Variants in ZNF320 observed in about 807,000 individuals in gnomAD.
ZNF320 encodes the protein zinc finger gene 320.
A neutral mutation model predicts 6.8 loss-of-function variants in ZNF320; 2 were observed. The ratio of observed to expected loss-of-function variants is 0.29; its 90% confidence interval spans 0.12 to 0.93. ZNF320 has a LOEUF of 0.93. Among genes scored for constraint, ZNF320 ranks in the 40% least tolerant of loss-of-function variants. The pLI is 0.55. For synonymous variants in ZNF320, 208 were observed against 203.2 expected (o/e 1.02, Z -0.20); for missense variants, 472 against 611.0 (o/e 0.77, Z 2.40).
At chr19:52,884,058 G>A (rs960642711) in intron 5 of ZNF320, among the ~76,000 whole-genome samples, 1 of 152,140 alleles carries the variant, frequency 6.6e-6, no homozygotes, top group Non-Finnish European at 1.5e-5. Flanking sequence ...AGACATTAAA[G>A]AGCTCATTGC....
rs57616055 is a variant in ZNF320, at chr19:52,890,104, G to T, written c.15+137C>A. On this transcript the variant is annotated intron_variant, in intron 4 of 5. Coordinates refer to ENST00000682928, the MANE Select transcript of ZNF320 (RefSeq NM_001351774.2). ...GATAAAATCTAAGTGAGATAAGAGG[G>T]ACTGAGGGAAGGCATGGGTGATTGT... 2,178 of 1,372,938 alleles carry T rather than the reference G, an allele frequency of 1.6e-3. 34 individuals carry two copies. The African/African-American group carries it at 0.028, about 17-fold the overall frequency. The allele number at this position is 1,372,938 out of a possible 1,614,324, so 85.0% of individuals were successfully genotyped here.
chr19:52,865,808 TATATGATTATACACATATATTTATATATG>T (rs1211891149), intron 5 of ZNF320, among the ~76,000 whole-genome samples: 70 of 124,352 alleles, frequency 5.6e-4, no homozygotes, highest in Non-Finnish European at 9.7e-4. Context: ...TATATTTATA[TATATGATTATACACATATATTTATATATG>T]ATTATACACA....
chr19:52,885,542 C>T (rs965316215), intron 5 of ZNF320, among the ~76,000 whole-genome samples: 1 of 151,888 alleles, frequency 6.6e-6, no homozygotes, highest in African/African-American at 2.4e-5. Context: ...CAGTGAAACC[C>T]CGTCTGAACT....
exon 6 of ZNF320, among the ~76,000 whole-genome samples, chr19:52,861,163 T>A (rs1021502608): frequency 6.6e-6 from 1 of 152,266 alleles, no homozygotes; most frequent in East Asian, 1.9e-4. Flanking sequence ...ACACATTCAG[T>A]GGATTTGCAG....
At position 52,879,882 on chromosome 19, in the gene ZNF320, A is replaced by G. The variant is rs1215118156; in HGVS notation, c.*714T>C. 6.6e-6 allele frequency: 1 copy of G among 152,242 alleles called. No individual in the cohort carries two copies. Among genetic ancestry groups the G allele is most frequent in the Admixed American group, 6.5e-5 (1 of 15,284 alleles). 9.4% of individuals were successfully genotyped at this position (152,242 alleles called of 1,614,324 possible). The stretch of plus-strand genomic sequence containing the variant: ...GAAATACTTAGGAATAAATGAAAAA[A>G]GTTGAGAAGTTTCTACCTTCAAATC... On this transcript the variant is annotated 3_prime_UTR_variant, in exon 6 of 6. Coordinates refer to ENST00000682928, the MANE Select transcript of ZNF320 (RefSeq NM_001351774.2).
At chr19:52,865,510 T>TACA (rs1568692875) in intron 5 of ZNF320, 1 of 135,604 alleles carries the variant, frequency 7.4e-6, no homozygotes, top group African/African-American at 3.0e-5. Context: ...ACATATATAT[T>TACA]TATATATTAT....
Position 52,878,626 on chromosome 19 carries a change from A to C in ZNF320, c.*1970T>G, listed in dbSNP as rs2063828163. Reference sequence around the variant, plus strand: ...TACAAACTGGTGATTTATTTTGGGAATCGTCCCCATAACCTTTTCATAAAG... The same window carrying C: ...TACAAACTGGTGATTTATTTTGGGACTCGTCCCCATAACCTTTTCATAAAG... On this transcript the variant is annotated 3_prime_UTR_variant, in exon 6 of 6. Transcript: ENST00000682928. 1 of 152,156 alleles carries C rather than the reference A, an allele frequency of 6.6e-6. No individual in the cohort carries two copies. Among genetic ancestry groups the C allele is most frequent in the Admixed American group, 6.5e-5 (1 of 15,274 alleles). 9.4% of individuals were successfully genotyped at this position (152,156 alleles called of 1,614,324 possible).
exon 6 of ZNF320, among the ~76,000 whole-genome samples, chr19:52,861,101 C>T (rs769999509): frequency 7.2e-5 from 11 of 152,166 alleles, no homozygotes; most frequent in Non-Finnish European, 8.8e-5. Context: ...ATGACATGAT[C>T]TTCTGTGGAA....
chr19:52,873,308 A>C (rs1470108693), downstream of ZNF320, among the ~76,000 whole-genome samples: 3 of 152,226 alleles, frequency 2.0e-5, no homozygotes, highest in African/African-American at 7.2e-5. Flanking sequence ...TCTTGGGCAG[A>C]GGTCCCTGCA....
chr19:52,882,065 C>A, intron 5 of ZNF320, 82 bp from the exon 6 acceptor site: 3 of 1,313,156 alleles, frequency 2.3e-6, no homozygotes, highest in South Asian at 1.6e-5. Flanking sequence ...CACACACACA[C>A]AAAAATACTT....
At chr19:52,874,031 T>C (rs1429753576), downstream of ZNF320, 1 of 461,128 alleles carries the variant, frequency 2.2e-6, no homozygotes, top group East Asian at 6.5e-5. Flanking sequence ...CTTTGCCTTC[T>C]TGGTGTCTTC....
intron 5 of ZNF320, chr19:52,865,333 A>ATC: frequency 3.3e-6 from 1 of 305,350 alleles, no homozygotes; most frequent in East Asian, 9.7e-5. Context: ...AAATATATAT[A>ATC]TATGGTCTGG....
chr19:52,860,920 C>T (rs1047559513), exon 6 of ZNF320, among the ~76,000 whole-genome samples: 1 of 152,116 alleles, frequency 6.6e-6, no homozygotes, highest in Non-Finnish European at 1.5e-5. Context: ...GTTCTAAGCA[C>T]AATTATGGAG....
chr19:52,867,246 G>A (rs2063593670), intron 5 of ZNF320, among the ~76,000 whole-genome samples: 1 of 152,126 alleles, frequency 6.6e-6, no homozygotes, highest in Non-Finnish European at 1.5e-5. Context: ...TTGCCAGGCT[G>A]GAGTGCAGTG....
At chr19:52,872,883 G>A (rs2063704977), downstream of ZNF320, among the ~76,000 whole-genome samples, 1 of 152,138 alleles carries the variant, frequency 6.6e-6, no homozygotes, top group Non-Finnish European at 1.5e-5. Flanking sequence ...TGAGGAGAGG[G>A]TCAGCAGGAA....
rs974019098 is a variant in ZNF320 at position 52,881,084 on chromosome 19, T to C, written c.1042A>G (p.Arg348Gly). The change falls in exon 6 of 6, where the codon AGG (arginine) becomes GGG (glycine). Residue 348 changes from arginine (R) to glycine (G), a missense_variant. Around this residue, in one of 2 missense-constraint regions of ZNF320, gnomAD observed 462 missense variants for 559.7 expected, o/e 0.83. Coordinates refer to ENST00000682928, the MANE Select transcript of ZNF320 (RefSeq NM_001351774.2). ...GGTTTCTCTCCAGTATGAATCCTCC[T>C]ATGTCTTTCAAGATGTGATTTGCGA... ...FSRKSHLERH[R>G]RIHTGEKPYK... The C allele has an allele frequency of 9.3e-6, 15 of 1,613,982 alleles. No individual in the cohort carries two copies. The highest frequency in any genetic ancestry group is 1.3e-5 in the African/African-American group (1 of 74,898).
At chr19:52,903,767 G>T in the ZNF320 span, among the ~76,000 whole-genome samples, 2 of 151,902 alleles carry the variant, frequency 1.3e-5, no homozygotes, top group Non-Finnish European at 2.9e-5. Flanking sequence ...ACAAGAATGG[G>T]TAAAGAGGGC....
At chr19:52,866,865 C>T (rs369764339) in intron 5 of ZNF320, among the ~76,000 whole-genome samples, 1 of 20,288 alleles carries the variant, frequency 4.9e-5, no homozygotes. Context: ...TCTCACAAAA[C>T]ATACAAAAAA....
In ZNF320 at chr19:52,878,901, G is replaced by A. The variant is rs745408126; in HGVS notation, c.*1695C>T. 8 of 152,190 alleles carry A rather than the reference G, an allele frequency of 5.3e-5. No homozygotes were observed. Among genetic ancestry groups the A allele is most frequent in the South Asian group, 4.1e-4 (2 of 4,834 alleles). 9.4% of individuals were successfully genotyped at this position (152,190 alleles called of 1,614,324 possible). On this transcript the variant is annotated 3_prime_UTR_variant, in exon 6 of 6. Transcript: ENST00000682928. ...TGGTTTCACCATTCTGCCCAGGCTGGTCTTGAGTACCGGGGCCCACGTGAC... is the reference window on the plus strand; with the variant it reads ...TGGTTTCACCATTCTGCCCAGGCTGATCTTGAGTACCGGGGCCCACGTGAC...
Sources: gnomAD v4.1 joint callset for allele counts (sites outside exome capture counted in the v4.1 genomes callset) on GRCh38, gnomAD v4.1.1 for gene constraint, gnomAD v4.1.1 regional missense constraint, MANE v1.5 for transcripts, NCBI Gene and HGNC (gene_info 2026-07-23, HGNC 2026-07-21) for gene names.